ATF7IP: variants seen among roughly 807,000 people sequenced by gnomAD.
ATF7IP encodes activating transcription factor 7 interacting protein, also known as activating transcription factor 7-interacting protein 1.
In ATF7IP, 23 loss-of-function variants were observed where a neutral mutation model predicts 106.4. That is an observed-to-expected ratio of 0.22 (90% CI 0.16 to 0.31). The LOEUF is 0.31. Ranked by LOEUF, ATF7IP falls within the 10% of genes least tolerant of loss-of-function variation. The pLI, the probability that ATF7IP is intolerant of heterozygous loss-of-function variation, is 1.00. For missense variants in ATF7IP, 1,334 were observed against 1,524.3 expected, an observed-to-expected ratio of 0.88 and a Z score of 2.08; for synonymous variants, 542 against 539.0, an observed-to-expected ratio of 1.01 and a Z score of -0.08.
intron 1 of ATF7IP, among the ~76,000 whole-genome samples, chr12:14,404,259 C>G (rs970634970): frequency 2.6e-5 from 4 of 151,872 alleles, no homozygotes; most frequent in Non-Finnish European, 1.5e-5. Context: ...TGTATTACTG[C>G]TGTATTTATC....
At chr12:14,458,809 G>T (rs1308763167) in intron 8 of ATF7IP, among the ~76,000 whole-genome samples, 3 of 151,392 alleles carry the variant, frequency 2.0e-5, no homozygotes, top group African/African-American at 7.3e-5. Context: ...GGCGCTAGAG[G>T]CAAACCTTGT....
chr12:14,491,377 T>A (rs1437279914), intron 13 of ATF7IP, among the ~76,000 whole-genome samples: 1 of 152,210 alleles, frequency 6.6e-6, no homozygotes, highest in Non-Finnish European at 1.5e-5. Flanking sequence ...CAGGAATGTG[T>A]TGACAGGCCC....
chr12:14,500,926 G>C lies in ATF7IP; in HGVS notation c.*2853G>C, dbSNP rs1264960317. 3.3e-5 allele frequency: 5 copies of C among 152,158 alleles called. No individual in the cohort carries two copies. The highest frequency in any genetic ancestry group is 7.4e-5 in the Non-Finnish European group (5 of 68,018). The allele number at this position is 152,158 out of a possible 1,614,324, so 9.4% of individuals were successfully genotyped here. The stretch of plus-strand genomic sequence containing the variant: ...ATTCCAGTTGGAAGGAAGGTACAGG[G>C]AGAAATCGCAATTATTTAGGGGAGA... On this transcript the variant is annotated 3_prime_UTR_variant, in exon 15 of 15. Transcript: ENST00000261168.
intron 3 of ATF7IP, 87 bp downstream of exon 3, chr12:14,434,510 C>A: frequency 1.1e-6 from 1 of 911,926 alleles, no homozygotes; most frequent in Non-Finnish European, 1.7e-6. Context: ...TTCTTTTTTG[C>A]CCATGAAATA....
intron 13 of ATF7IP, 51 bp from the exon 14 acceptor site, chr12:14,496,180 A>G (rs571893559): frequency 1.7e-6 from 2 of 1,207,440 alleles, no homozygotes; most frequent in African/African-American, 1.5e-5. Context: ...TTTCCACCAA[A>G]TTTACAATAG....
intron 2 of ATF7IP, among the ~76,000 whole-genome samples, chr12:14,432,998 T>C (rs1338363063): frequency 1.4e-4 from 22 of 152,206 alleles, no homozygotes; most frequent in Admixed American, 1.4e-3. Flanking sequence ...TTTTATTTAA[T>C]ATAATTGTAT....
At chr12:14,372,606 C>T (rs1022609061) in intron 1 of ATF7IP, among the ~76,000 whole-genome samples, 5 of 152,028 alleles carry the variant, frequency 3.3e-5, no homozygotes, top group Admixed American at 2.0e-4. Flanking sequence ...TTATTCATGT[C>T]TGCAGTTTTC....
intron 13 of ATF7IP, among the ~76,000 whole-genome samples, chr12:14,491,653 A>G (rs980023377): frequency 2.0e-5 from 3 of 152,242 alleles, no homozygotes; most frequent in Admixed American, 6.5e-5. Context: ...AAGACAGTAA[A>G]GGTATGTTGC....
intron 5 of ATF7IP, among the ~76,000 whole-genome samples, chr12:14,446,588 G>A (rs1370059533): frequency 6.6e-6 from 1 of 152,136 alleles, no homozygotes; most frequent in Admixed American, 6.5e-5. Flanking sequence ...TGTAGTATTG[G>A]CAAGGGATCT....
chr12:14,502,143 A>G lies in ATF7IP; in HGVS notation c.*4070A>G, dbSNP rs979101803. On this transcript the variant is annotated 3_prime_UTR_variant, in exon 15 of 15. Transcript: ENST00000261168. ...CACTGACCTGTGGTTGGCCTGTTTT[A>G]TTCTAATTTCCAGAAAAGTCAAGTC... is the stretch of plus-strand genomic sequence containing the variant. 1 of 152,176 alleles carries G rather than the reference A, an allele frequency of 6.6e-6. No homozygotes were observed. The highest frequency in any genetic ancestry group is 1.5e-5 in the Non-Finnish European group (1 of 68,014). The allele number at this position is 152,176 out of a possible 1,614,324, so 9.4% of individuals were successfully genotyped here.
intron 6 of ATF7IP, among the ~76,000 whole-genome samples, chr12:14,451,826 C>T (rs986751721): frequency 6.6e-6 from 1 of 152,102 alleles, no homozygotes; most frequent in Non-Finnish European, 1.5e-5. Flanking sequence ...AATGTGTATT[C>T]TGCTGTTGTT....
At chr12:14,456,780 T>G (rs1943443011) in intron 7 of ATF7IP, 146 bp downstream of exon 7, 5 of 612,634 alleles carry the variant, frequency 8.2e-6, no homozygotes, top group Non-Finnish European at 1.4e-5. Context: ...CTTTTTCTGC[T>G]TCATTATATT....
intron 8 of ATF7IP, among the ~76,000 whole-genome samples, chr12:14,457,870 G>A (rs2111510): frequency 1 from 152,073 of 152,262 alleles, 75,943 homozygotes; most frequent in Non-Finnish European, 1. Flanking sequence ...TGAGGCAGGC[G>A]GATCACTTGA....
Position 14,457,211 on chromosome 12 carries a change from G to C in ATF7IP, c.2074G>C (p.Ala692Pro). 6.2e-7 allele frequency: 1 copy of C among 1,610,476 alleles called. No individual in the cohort carries two copies. The highest frequency in any genetic ancestry group is 8.5e-7 in the Non-Finnish European group (1 of 1,177,158). The change falls in exon 8 of 15, where the codon GCA becomes CCA. Residue 692 changes from alanine (A) to proline (P), a missense_variant. By Grantham distance (27) the Ala-to-Pro change is conservative (BLOSUM62 -1). Around this residue, in one of 10 missense-constraint regions of ATF7IP, gnomAD observed 171 missense variants for 172.6 expected, o/e 0.99. Coordinates refer to ENST00000261168, the MANE Select transcript of ATF7IP (RefSeq NM_018179.5). ...GTGTGTATATGTATTTCATAGAAAT[G>C]CAGGCACAGTGAGACAGATGCTGGA... The part of the protein sequence containing the change: ...NSNNNMSYRN[A>P]GTVRQMLESK...
chr12:14,402,549 A>G (rs1318615310), intron 1 of ATF7IP, among the ~76,000 whole-genome samples: 1 of 151,156 alleles, frequency 6.6e-6, no homozygotes, highest in African/African-American at 2.4e-5. Context: ...CTAATATTTC[A>G]TAAGACAGTT....
Position 14,478,393 on chromosome 12 carries a change from A to G in ATF7IP, c.3018A>G (p.Ile1006Met), listed in dbSNP as rs2098007998. Residue 1006 changes from isoleucine to methionine, a missense_variant, in exon 12 of 15, where the codon ATA (isoleucine) becomes ATG (methionine). Coordinates refer to ENST00000261168, the MANE Select transcript of ATF7IP (RefSeq NM_018179.5). ...CTGTGTCACGACCATTGCAACCCAT[A>G]CAACCAGCACCGCCTCTTCAACCAT... is the stretch of plus-strand genomic sequence containing the variant. ...SQPVSRPLQP[I>M]QPAPPLQPSG... 3 of 1,613,984 alleles carry G rather than the reference A, an allele frequency of 1.9e-6. No individual in the cohort carries two copies. Among genetic ancestry groups the G allele is most frequent in the Non-Finnish European group, 2.5e-6 (3 of 1,179,986 alleles).
chr12:14,414,771 T>G (rs1006001021), intron 1 of ATF7IP, among the ~76,000 whole-genome samples: 1 of 152,214 alleles, frequency 6.6e-6, no homozygotes, highest in Non-Finnish European at 1.5e-5. Context: ...AAGTTAGCTG[T>G]CCAGCTTTTC....
intron 1 of ATF7IP, among the ~76,000 whole-genome samples, chr12:14,398,880 T>C (rs1940020966): frequency 1.3e-5 from 2 of 152,168 alleles, no homozygotes; most frequent in South Asian, 4.1e-4. Context: ...TTTCAACCTT[T>C]CTATGCTGTT....
intron 8 of ATF7IP, among the ~76,000 whole-genome samples, chr12:14,457,555 C>T (rs1328806348): frequency 1.3e-5 from 2 of 151,854 alleles, no homozygotes; most frequent in Non-Finnish European, 2.9e-5. Context: ...TCCAGTTGGT[C>T]TCTTAAAACA....
Sources: gnomAD v4.1 joint callset for allele counts (sites outside exome capture counted in the v4.1 genomes callset) on GRCh38, gnomAD v4.1.1 for gene constraint, gnomAD v4.1.1 regional missense constraint, MANE v1.5 for transcripts, NCBI Gene and HGNC (gene_info 2026-07-23, HGNC 2026-07-21) for gene names.